Variants in KRT13 observed in about 807,000 individuals in gnomAD.
The protein encoded by KRT13 is keratin, type I cytoskeletal 13.
In KRT13, 27 loss-of-function variants were observed where a neutral mutation model predicts 40.6. That is an observed-to-expected ratio of 0.67 (90% CI 0.49 to 0.92). The LOEUF (loss-of-function observed/expected upper bound fraction) is 0.92, where lower values mean the gene tolerates loss of function less well. Among genes scored for constraint, KRT13 ranks in the 40% least tolerant of loss-of-function variants. The pLI, the probability that KRT13 is intolerant of heterozygous loss-of-function variation, is 0.00. For synonymous variants in KRT13, 266 were observed against 240.3 expected, an observed-to-expected ratio of 1.11 and a Z score of -0.99; for missense variants, 605 against 611.5, an observed-to-expected ratio of 0.99 and a Z score of 0.11.
chr17:41,502,868 A>G, intron 4 of KRT13, 56 bp from the exon 5 acceptor site: 1 of 1,614,200 alleles, frequency 6.2e-7, no homozygotes, highest in Non-Finnish European at 8.5e-7. Flanking sequence ...CAGCCTGACC[A>G]AGAGGCTGTG....
rs1366553280 is a variant in KRT13, at chr17:41,505,589, T to A, written c.-39A>T. ...TTGAGAGCAGGTGCAGATAGAAGCTTGCTTGGCCTGGGCCGAGGACTGTGG... is the reference window on the plus strand; with the variant it reads ...TTGAGAGCAGGTGCAGATAGAAGCTAGCTTGGCCTGGGCCGAGGACTGTGG... On this transcript the variant is annotated 5_prime_UTR_variant, in exon 1 of 8. Coordinates refer to ENST00000246635, the MANE Select transcript of KRT13 (RefSeq NM_153490.3). 6.2e-7 allele frequency: 1 copy of A among 1,612,978 alleles called. No homozygotes were observed. The highest frequency in any genetic ancestry group is 1.3e-5 in the African/African-American group (1 of 74,926).
chr17:41,502,821 C>T lies in KRT13; in HGVS notation c.898-9G>A. ...TTGTTCAGCTCTGCACTCTGAAATG[C>T]AAGCAGGAAGAAGGTGGTGGGGAAG... On this transcript the variant is annotated splice_polypyrimidine_tract_variant and intron_variant, in intron 4 of 7. Transcript: ENST00000246635. 1.4e-5 allele frequency: 22 copies of T among 1,614,112 alleles called. No homozygotes were observed. The highest frequency in any genetic ancestry group is 1.9e-5 in the Non-Finnish European group (22 of 1,180,032).
At position 41,503,430 on chromosome 17, in the gene KRT13, G is replaced by T; in HGVS notation, c.592C>A (p.Leu198Met). The change falls in exon 3 of 8, where the codon CTG (leucine) becomes ATG (methionine). Residue 198 changes from leucine to methionine, a missense_variant. Physicochemically the swap from Leu to Met is conservative, Grantham distance 15. Coordinates refer to ENST00000246635, the MANE Select transcript of KRT13 (RefSeq NM_153490.3). ...GCCTCCACGCTCTGGCGCAGGGCCA[G>T]CTCATTCTCATACCTAAAATAGTAA... ...DDFRLKYENE[L>M]ALRQSVEADI... The T allele has an allele frequency of 6.2e-7, 1 of 1,614,214 alleles. No homozygotes were observed. Among genetic ancestry groups the T allele is most frequent in the Non-Finnish European group, 8.5e-7 (1 of 1,180,040 alleles).
In KRT13 at chr17:41,502,118, C is replaced by T; in HGVS notation, c.1244+256G>A. ...ATAGTAATAGCTTTGTTCAGCTGAG[C>T]TGTATCCAAGCTCATGTTTTTCCAA... is the stretch of plus-strand genomic sequence containing the variant. On this transcript the variant is annotated intron_variant, in intron 6 of 7. Transcript: ENST00000246635. 2.8e-6 allele frequency: 4 copies of T among 1,430,636 alleles called. No individual in the cohort carries two copies. The South Asian group carries it at 5.9e-5, about 21-fold the overall frequency. The allele number at this position is 1,430,636 out of a possible 1,614,324, so 88.6% of individuals were successfully genotyped here.
In KRT13 at chr17:41,505,362, A is replaced by G; in HGVS notation, c.189T>C (p.Gly63=). Residue 63 remains glycine, a synonymous_variant, in exon 1 of 8, where the codon GGT becomes GGC. Coordinates refer to ENST00000246635, the MANE Select transcript of KRT13 (RefSeq NM_153490.3). ...CACCTCCAAGGCCACCTCCATAGCCACCTCCAAAGCCACTACCAGCCCCTC... is the reference window on the plus strand; with the variant it reads ...CACCTCCAAGGCCACCTCCATAGCCGCCTCCAAAGCCACTACCAGCCCCTC... ...FGGGAGSGFG[G]GYGGGLGGGY... is the part of the protein sequence containing the mutation. 1 of 1,613,596 alleles carries G rather than the reference A, an allele frequency of 6.2e-7. No individual in the cohort carries two copies. Among genetic ancestry groups the G allele is most frequent in the Non-Finnish European group, 8.5e-7 (1 of 1,179,756 alleles).
intron 1 of KRT13, chr17:41,504,085 T>G (rs1457515488): frequency 2.5e-5 from 8 of 325,178 alleles, no homozygotes; most frequent in African/African-American, 4.3e-5. Flanking sequence ...TCCTGTGAGC[T>G]GGGACAAGGC....
In KRT13 at chr17:41,502,360, TGG is replaced by T. The variant is rs749838803; in HGVS notation, c.1244+12_1244+13del. ...GCAGTCACTATCCTAAGAAAGAGGC[TGG>T]AGAGGACCTACTTGGCGTCCTGGCC... On this transcript the variant is annotated intron_variant, in intron 6 of 7. Transcript: ENST00000246635. 1 of 1,614,034 alleles carries T rather than the reference TGG, an allele frequency of 6.2e-7. No homozygotes were observed. The highest frequency in any genetic ancestry group is 1.1e-5 in the South Asian group (1 of 91,076).
intron 5 of KRT13, 44 bp downstream of exon 5, chr17:41,502,643 A>T (rs776182292): frequency 6.2e-7 from 1 of 1,613,038 alleles, no homozygotes; most frequent in African/African-American, 1.3e-5. Context: ...GGCCAGAGGG[A>T]AACCTAGAGG....
rs1431185724 is a variant in KRT13, at chr17:41,502,813, C to T, written c.898-1G>A. 1 of 1,614,150 alleles carries T rather than the reference C, an allele frequency of 6.2e-7. No homozygotes were observed. The highest frequency in any genetic ancestry group is 1.3e-5 in the African/African-American group (1 of 75,004). On this transcript the variant is annotated splice_acceptor_variant, in intron 4 of 7. Transcript: ENST00000246635. LOFTEE classifies it high-confidence loss of function. ...ACACCTCCTTGTTCAGCTCTGCACT[C>T]TGAAATGCAAGCAGGAAGAAGGTGG...
At chr17:41,501,824 C>T (rs1275022926) in intron 6 of KRT13, 80 bp from the exon 7 acceptor site, 9 of 1,554,534 alleles carry the variant, frequency 5.8e-6, no homozygotes, top group Non-Finnish European at 7.0e-6. Context: ...GGAAGTGCCT[C>T]GGCTTATCAT....
At chr17:41,502,084 T>C in intron 6 of KRT13, 1 of 1,418,126 alleles carries the variant, frequency 7.1e-7, no homozygotes, top group South Asian at 1.5e-5. Flanking sequence ...TAAAGGCAGT[T>C]AAAGCACCAT....
In KRT13 at chr17:41,503,392, G is replaced by T; in HGVS notation, c.630C>A (p.Gly210=). ...TGAGCTCATCCAGCACCCGGCGCAG[G>T]CCGTTGATGTCGGCCTCCACGCTCT... The part of the protein sequence containing the change: ...LRQSVEADIN[G]LRRVLDELTL... The change falls in exon 3 of 8, where the codon GGC becomes GGA. Residue 210 remains glycine, a synonymous_variant. Transcript: ENST00000246635. 1 of 1,614,246 alleles carries T rather than the reference G, an allele frequency of 6.2e-7. No individual in the cohort carries two copies. Among genetic ancestry groups the T allele is most frequent in the Non-Finnish European group, 8.5e-7 (1 of 1,180,032 alleles).
intron 7 of KRT13, 62 bp downstream of exon 7, chr17:41,501,657 A>AT (rs34222002): frequency 1.3e-6 from 2 of 1,511,412 alleles, no homozygotes; most frequent in African/African-American, 2.8e-5. Flanking sequence ...TCCCACCCCC[A>AT]TTGGGGCAGT....
chr17:41,503,210 G>A (rs1412941816), intron 3 of KRT13, 77 bp downstream of exon 3: 2 of 1,604,018 alleles, frequency 1.2e-6, no homozygotes, highest in African/African-American at 1.3e-5. Flanking sequence ...GTGGAGGACT[G>A]TGTCCAGTTG....
rs1329609348 is a variant in KRT13 at position 41,502,777 on chromosome 17, A to G, written c.933T>C (p.Thr311=). 1 of 1,614,026 alleles carries G rather than the reference A, an allele frequency of 6.2e-7. No homozygotes were observed. The highest frequency in any genetic ancestry group is 1.7e-5 in the Admixed American group (1 of 60,002). The part of the protein sequence containing the change: ...AELNKEVSTN[T]AMIQTSKTEI... ...CTGTCTTGCTGGTCTGAATCATGGC[A>G]GTGTTGGTAGACACCTCCTTGTTCA... The change falls in exon 5 of 8, where the codon ACT becomes ACC. Residue 311 remains threonine (T), a synonymous_variant. Transcript: ENST00000246635.
At chr17:41,501,496 A>G in intron 7 of KRT13, 134 bp from the exon 8 acceptor site, 1 of 1,071,752 alleles carries the variant, frequency 9.3e-7, no homozygotes, top group Non-Finnish European at 1.4e-6. Flanking sequence ...TTGTCCCCAA[A>G]GATGGCTCTT....
chr17:41,505,082 T>G lies in KRT13; in HGVS notation c.469A>C (p.Lys157Gln). 1.2e-6 allele frequency: 2 copies of G among 1,614,206 alleles called. No individual in the cohort carries two copies. Among genetic ancestry groups the G allele is most frequent in the Non-Finnish European group, 1.7e-6 (2 of 1,180,028 alleles). Reference sequence around the variant, plus strand: ...TTGTCCCGGAGCTCTTCAATGGTCTTGTAGTAGGGGCTGTAGTCCCGCTCA... The same window carrying G: ...TTGTCCCGGAGCTCTTCAATGGTCTGGTAGTAGGGGCTGTAGTCCCGCTCA... ...SPERDYSPYYKTIEELRDKIL... is the reference protein window; with the variant it reads ...SPERDYSPYYQTIEELRDKIL... Residue 157 changes from lysine to glutamine, a missense_variant, in exon 1 of 8, where the codon AAG becomes CAG. Coordinates refer to ENST00000246635, the MANE Select transcript of KRT13 (RefSeq NM_153490.3).
chr17:41,505,363 C>T lies in KRT13; in HGVS notation c.188G>A (p.Gly63Asp), dbSNP rs758993002. The change falls in exon 1 of 8, where the codon GGT (glycine) becomes GAT (aspartate). Residue 63 changes from glycine to aspartate, a missense_variant. By Grantham distance (94) the Gly-to-Asp change is moderately conservative. Transcript: ENST00000246635. ...ACCTCCAAGGCCACCTCCATAGCCA[C>T]CTCCAAAGCCACTACCAGCCCCTCC... ...FGGGAGSGFG[G>D]GYGGGLGGGY... The T allele has an allele frequency of 6.2e-7, 1 of 1,613,964 alleles. No homozygotes were observed. The highest frequency in any genetic ancestry group is 1.3e-5 in the African/African-American group (1 of 75,052).
chr17:41,502,852 C>T (rs752740050), intron 4 of KRT13, 40 bp from the exon 5 acceptor site: 1 of 1,614,096 alleles, frequency 6.2e-7, no homozygotes, highest in East Asian at 2.2e-5. Context: ...GGAAGCTCAG[C>T]TCGAGCAGCC....
Sources: allele counts gnomAD v4.1 joint callset, GRCh38; gene constraint gnomAD v4.1.1; transcripts MANE v1.5; gene names NCBI Gene and HGNC (gene_info 2026-07-23, HGNC 2026-07-21).